The following ATP8A2 variants were observed in gnomAD, a reference collection of about 807,000 sequenced individuals.
The protein encoded by ATP8A2 is ATPase phospholipid transporting 8A2.
A neutral mutation model predicts 165.6 loss-of-function variants in ATP8A2; 100 were observed. The ratio of observed to expected loss-of-function variants is 0.60; its 90% CI spans 0.51 to 0.71. ATP8A2 has a LOEUF of 0.71. ATP8A2 is among the 30% of genes least tolerant of loss of function. The pLI is 0.00. For missense variants in ATP8A2, 1,227 were observed against 1,479.5 expected (o/e 0.83, Z 2.80); for synonymous variants, 543 against 548.8 (o/e 0.99, Z 0.15).
chr13:25,686,353 C>G (rs2042601454), intron 24 of ATP8A2, among the ~76,000 whole-genome samples: 1 of 152,162 alleles, frequency 6.6e-6, no homozygotes, highest in Non-Finnish European at 1.5e-5. Context: ...AAACCAGAAA[C>G]TTATAGCTGC....
intron 25 of ATP8A2, among the ~76,000 whole-genome samples, chr13:25,746,281 G>C (rs760290071): frequency 6.0e-4 from 92 of 152,122 alleles, no homozygotes; most frequent in Non-Finnish European, 1.1e-3. Flanking sequence ...CTTGTTCATG[G>C]CTCTCAGGAT....
At chr13:25,390,395 T>C (rs1437374829) in intron 1 of ATP8A2, among the ~76,000 whole-genome samples, 1 of 152,214 alleles carries the variant, frequency 6.6e-6, no homozygotes, top group Non-Finnish European at 1.5e-5. Flanking sequence ...TATGGGTGTA[T>C]AATGTGGCTT....
rs1566299785 is a variant in ATP8A2 at position 25,953,545 on chromosome 13, A to AAAACAACAAC, written c.3184-8029_3184-8028insAACAACAACA. On this transcript the variant is annotated intron_variant, in intron 33 of 36. Coordinates refer to ENST00000381655, the MANE Select transcript of ATP8A2 (RefSeq NM_016529.6). This position sits in a 1 kb window ranked among gnomAD's most constrained non-coding sequence, Gnocchi z 6.7. ...TTTAAAAAAAAAAAAAAAAAAAAAA[A>AAAACAACAAC]AGCAAGGGAAATAGGCAAGACGGCC... 3.3e-5 allele frequency among the ~76,000 whole-genome samples: 4 copies of AAAACAACAAC among 122,766 alleles called. No individual in the cohort carries two copies. The highest frequency in any genetic ancestry group is 1.4e-4 in the African/African-American group (4 of 27,712). The allele number at this position is 122,766 out of a possible 152,430, so 80.5% of individuals were successfully genotyped here.
Position 25,551,502 on chromosome 13 carries a change from G to A in ATP8A2, c.1056G>A (p.Met352Ile). The A allele has an allele frequency of 6.3e-7, 1 of 1,599,156 alleles. No individual in the cohort carries two copies. The highest frequency in any genetic ancestry group is 8.6e-7 in the Non-Finnish European group (1 of 1,168,988). Reference sequence around the variant, plus strand: ...AAAAGAACTGGTACATCAAGAAGATGGGTAAGTGTCGGGGTGGGTTGCTTG... The same window carrying A: ...AAAAGAACTGGTACATCAAGAAGATAGGTAAGTGTCGGGGTGGGTTGCTTG... ...HGEKNWYIKKMDTTSDNFGYN... is the reference protein window; with the variant it reads ...HGEKNWYIKKIDTTSDNFGYN... The change falls in exon 11 of 37, where the codon ATG becomes ATA. Residue 352 changes from methionine to isoleucine, a missense_variant and splice_region_variant. Physicochemically the swap from Met to Ile is conservative, Grantham distance 10. Transcript: ENST00000381655.
chr13:25,617,808 TCTC>T (rs1469900017), intron 24 of ATP8A2, among the ~76,000 whole-genome samples: 3 of 152,178 alleles, frequency 2.0e-5, no homozygotes, highest in Non-Finnish European at 2.9e-5. Flanking sequence ...ACTTATACCC[TCTC>T]CTCCTTCCTT....
At chr13:25,745,771 T>G (rs2138171165) in intron 25 of ATP8A2, among the ~76,000 whole-genome samples, 1 of 152,370 alleles carries the variant, frequency 6.6e-6, no homozygotes, top group Admixed American at 6.5e-5. Context: ...AGAACTTTGA[T>G]TGCTTATTCT....
At chr13:25,752,334 C>A (rs1322457722) in intron 25 of ATP8A2, among the ~76,000 whole-genome samples, 1 of 151,858 alleles carries the variant, frequency 6.6e-6, no homozygotes, top group Non-Finnish European at 1.5e-5. Context: ...GGTGGCATAC[C>A]CCTGTAGTCC....
At chr13:25,437,339 C>T (rs79546748) in intron 1 of ATP8A2, among the ~76,000 whole-genome samples, 2,690 of 152,198 alleles carry the variant, frequency 0.018, 84 homozygotes, top group African/African-American at 0.061. Flanking sequence ...AAGGTGTGCC[C>T]ATAACCTTCT....
intron 24 of ATP8A2, among the ~76,000 whole-genome samples, chr13:25,668,373 C>A (rs537879859): frequency 5.3e-5 from 8 of 152,150 alleles, no homozygotes; most frequent in Middle Eastern, 3.4e-3. Flanking sequence ...TCCATGGTTT[C>A]TGATGAGAAA....
intron 2 of ATP8A2, among the ~76,000 whole-genome samples, chr13:25,477,503 C>T (rs932098910): frequency 2.0e-5 from 3 of 152,192 alleles, no homozygotes; most frequent in African/African-American, 7.2e-5. Flanking sequence ...TGAATAAAGT[C>T]TGTAATTGGA....
At chr13:25,890,683 A>G (rs552282421) in intron 33 of ATP8A2, among the ~76,000 whole-genome samples, 1 of 152,360 alleles carries the variant, frequency 6.6e-6, no homozygotes, top group African/African-American at 2.4e-5. Flanking sequence ...AAGTCTGTGT[A>G]GTAGAAATAC....
At chr13:25,930,902 G>T (rs1001614092) in intron 33 of ATP8A2, among the ~76,000 whole-genome samples, 1 of 152,144 alleles carries the variant, frequency 6.6e-6, no homozygotes, top group African/African-American at 2.4e-5. Flanking sequence ...CCTTGCCGCC[G>T]GTGTTCCTTT....
At chr13:25,623,629 T>G (rs2041028188) in intron 24 of ATP8A2, among the ~76,000 whole-genome samples, 1 of 152,198 alleles carries the variant, frequency 6.6e-6, no homozygotes, top group South Asian at 2.1e-4. Context: ...AATTCTATCC[T>G]TATGACCAAT....
intron 2 of ATP8A2, among the ~76,000 whole-genome samples, chr13:25,512,155 A>G (rs2037248433): frequency 6.6e-6 from 1 of 151,270 alleles, no homozygotes; most frequent in South Asian, 2.1e-4. Context: ...TAATCCATTT[A>G]ACCCTGAGTG....
intron 34 of ATP8A2, among the ~76,000 whole-genome samples, chr13:25,967,157 CTCCTT>C (rs1229684316): frequency 6.6e-6 from 1 of 152,212 alleles, no homozygotes; most frequent in Admixed American, 6.5e-5. Context: ...GTTTTTGACT[CTCCTT>C]TCCAGCAAAC....
intron 26 of ATP8A2, among the ~76,000 whole-genome samples, chr13:25,772,846 G>A (rs976408671): frequency 1.3e-5 from 2 of 151,652 alleles, no homozygotes; most frequent in Admixed American, 1.3e-4. Context: ...CTCCGCCTCC[G>A]CCTCCTGGGT....
intron 27 of ATP8A2, among the ~76,000 whole-genome samples, chr13:25,788,929 A>G (rs1000060832): frequency 6.6e-6 from 1 of 152,200 alleles, no homozygotes; most frequent in African/African-American, 2.4e-5. Flanking sequence ...CTAGAATCCC[A>G]GAAGCTCAGA....
chr13:25,893,454 G>T lies in ATP8A2; in HGVS notation c.3183+31046G>T, dbSNP rs1422112320. 4.4e-3 allele frequency among the ~76,000 whole-genome samples: 670 copies of T among 151,052 alleles called. 6 individuals are homozygous for T. The highest frequency in any genetic ancestry group is 0.017 in the Middle Eastern group (5 of 294). Reference sequence around the variant, plus strand: ...TTTTCTTAATCCAGTCTATCATTGTGGGACATTTGGGTTGGTTCCAAGTCT... The same window carrying T: ...TTTTCTTAATCCAGTCTATCATTGTTGGACATTTGGGTTGGTTCCAAGTCT... On this transcript the variant is annotated intron_variant, in intron 33 of 36. Transcript: ENST00000381655.
chr13:25,691,509 C>T (rs970416183), intron 24 of ATP8A2, among the ~76,000 whole-genome samples: 1 of 152,066 alleles, frequency 6.6e-6, no homozygotes, highest in Non-Finnish European at 1.5e-5. Flanking sequence ...TAGGGATGGC[C>T]AGTGTAGAGA....
Sources: allele counts gnomAD v4.1 joint callset (sites outside exome capture counted in the v4.1 genomes callset), GRCh38; gene constraint gnomAD v4.1.1; non-coding constraint Gnocchi (gnomAD v3.1); transcripts MANE v1.5; gene names NCBI Gene and HGNC (gene_info 2026-07-23, HGNC 2026-07-21).